The following C1QTNF3 variants were observed in gnomAD, a reference collection of about 807,000 sequenced individuals.
The protein encoded by C1QTNF3 is C1q and TNF related 3.
Under a neutral mutation model 32.6 loss-of-function variants are expected in C1QTNF3, and 26 were observed. The ratio of observed to expected loss-of-function variants is 0.80; its 90% CI spans 0.58 to 1.11. The LOEUF (loss-of-function observed/expected upper bound fraction) is 1.11, where lower values mean the gene tolerates loss of function less well. C1QTNF3 is among the 50% of genes least tolerant of loss of function. C1QTNF3 has a pLI of 0.00. For missense variants in C1QTNF3, 362 were observed against 398.2 expected, an observed-to-expected ratio of 0.91 and a Z score of 0.77; for synonymous variants, 155 against 146.0, an observed-to-expected ratio of 1.06 and a Z score of -0.44.
chr5:34,132,259 C>T, the C1QTNF3 span, among the ~76,000 whole-genome samples: 1 of 151,918 alleles, frequency 6.6e-6, no homozygotes, highest in Non-Finnish European at 1.5e-5. Context: ...TTGACAGATG[C>T]CTGTAATCCA....
At chr5:34,032,351 A>G (rs1754633813) in intron 3 of C1QTNF3, among the ~76,000 whole-genome samples, 2 of 152,198 alleles carry the variant, frequency 1.3e-5, no homozygotes, top group South Asian at 4.1e-4. Context: ...TTGAGCCTGG[A>G]AAAAAATGTA....
At chr5:34,175,610 T>C in the C1QTNF3 span, 8 of 462,864 alleles carry the variant, frequency 1.7e-5, no homozygotes, top group Admixed American at 3.4e-5. Context: ...GTTTGCTTTT[T>C]GACCGTATGT....
the C1QTNF3 span, among the ~76,000 whole-genome samples, chr5:34,144,107 AAG>A: frequency 6.6e-6 from 1 of 152,240 alleles, no homozygotes; most frequent in East Asian, 1.9e-4. Flanking sequence ...GACAAAAAAA[AAG>A]AGCAAGAATC....
chr5:34,041,277 T>A (rs897796884), intron 1 of C1QTNF3, among the ~76,000 whole-genome samples: 1 of 152,160 alleles, frequency 6.6e-6, no homozygotes, highest in East Asian at 1.9e-4. Flanking sequence ...ATCCTCAATA[T>A]CTCCTGTTGG....
the C1QTNF3 span, among the ~76,000 whole-genome samples, chr5:34,226,593 C>A: frequency 0.23 from 34,081 of 148,830 alleles, 4,141 homozygotes; most frequent in African/African-American, 0.33. Context: ...ATATTCTTCT[C>A]AATTGTACAG....
chr5:34,126,785 G>A, the C1QTNF3 span, among the ~76,000 whole-genome samples: 5 of 151,982 alleles, frequency 3.3e-5, no homozygotes, highest in Admixed American at 2.0e-4. Flanking sequence ...TCTGTCATCT[G>A]CAACAAAATG....
the C1QTNF3 span, among the ~76,000 whole-genome samples, chr5:34,050,943 G>C: frequency 6.6e-6 from 1 of 152,130 alleles, no homozygotes; most frequent in Non-Finnish European, 1.5e-5. Context: ...CTGTCTTTCA[G>C]ATAAAGTGAG....
chr5:34,087,309 T>C, the C1QTNF3 span, among the ~76,000 whole-genome samples: 1 of 151,506 alleles, frequency 6.6e-6, no homozygotes, highest in African/African-American at 2.4e-5. Context: ...AAAAAAATCA[T>C]CTTGGCATTT....
the C1QTNF3 span, among the ~76,000 whole-genome samples, chr5:34,235,940 G>A: frequency 1.3e-5 from 2 of 152,034 alleles, no homozygotes; most frequent in Non-Finnish European, 2.9e-5. Context: ...TTTAAGATAG[G>A]AAAAGCATTG....
At chr5:34,128,809 T>C in the C1QTNF3 span, among the ~76,000 whole-genome samples, 1 of 152,214 alleles carries the variant, frequency 6.6e-6, no homozygotes, top group Non-Finnish European at 1.5e-5. Flanking sequence ...CGGAAGGGAC[T>C]TGTTTGTCTC....
chr5:34,166,299 A>C, the C1QTNF3 span: 74,107 of 151,772 alleles, frequency 0.49, 20,444 homozygotes, highest in Non-Finnish European at 0.61. Context: ...GCTGACATTA[A>C]GCTAGGACGT....
At chr5:34,201,349 G>A in the C1QTNF3 span, among the ~76,000 whole-genome samples, 1 of 152,074 alleles carries the variant, frequency 6.6e-6, no homozygotes, top group Non-Finnish European at 1.5e-5. Context: ...CCAAGAAATA[G>A]GTTTGTCATA....
chr5:34,200,411 C>T, the C1QTNF3 span: 1 of 151,752 alleles, frequency 6.6e-6, no homozygotes, highest in Admixed American at 6.6e-5. Context: ...TCAATTTACT[C>T]TCATCCATAT....
chr5:34,210,855 T>C, the C1QTNF3 span, among the ~76,000 whole-genome samples: 1 of 152,136 alleles, frequency 6.6e-6, no homozygotes, highest in African/African-American at 2.4e-5. Flanking sequence ...TATGGATTCA[T>C]AGGTTACAGA....
At chr5:34,126,783 C>G in the C1QTNF3 span, among the ~76,000 whole-genome samples, 1 of 151,978 alleles carries the variant, frequency 6.6e-6, no homozygotes. Context: ...ATTCTGTCAT[C>G]TGCAACAAAA....
chr5:34,217,390 GT>G, the C1QTNF3 span, among the ~76,000 whole-genome samples: 1 of 152,096 alleles, frequency 6.6e-6, no homozygotes, highest in Non-Finnish European at 1.5e-5. Flanking sequence ...TAAGCATTCT[GT>G]TGCTAGTACA....
chr5:34,201,945 T>C, the C1QTNF3 span, among the ~76,000 whole-genome samples: 2 of 152,104 alleles, frequency 1.3e-5, no homozygotes, highest in African/African-American at 4.8e-5. Flanking sequence ...AACTTTAAGC[T>C]TCTTATGCCC....
chr5:34,124,636 C>T, the C1QTNF3 span: 2 of 483,250 alleles, frequency 4.1e-6, no homozygotes, highest in Non-Finnish European at 3.8e-6. Context: ...CCTCCCATCA[C>T]ACTCCACCTC....
the C1QTNF3 span, among the ~76,000 whole-genome samples, chr5:34,056,090 C>T: frequency 6.6e-6 from 1 of 152,156 alleles, no homozygotes; most frequent in Non-Finnish European, 1.5e-5. Flanking sequence ...TCCTGAAATG[C>T]ATGATTCTAC....
Sources: allele counts gnomAD v4.1 joint callset (sites outside exome capture counted in the v4.1 genomes callset), GRCh38; gene constraint gnomAD v4.1.1; transcripts MANE v1.5; gene names NCBI Gene and HGNC (gene_info 2026-07-23, HGNC 2026-07-21).